DEAF1: variants seen among roughly 807,000 people sequenced by gnomAD.
The protein encoded by DEAF1 is deformed epidermal autoregulatory factor 1 homolog.
In DEAF1, 53 loss-of-function variants were observed where a neutral mutation model predicts 58.9. That is an observed-to-expected ratio of 0.90 (90% CI 0.72 to 1.13). DEAF1 has a LOEUF of 1.13. DEAF1 is among the 50% of genes most tolerant of loss of function. The pLI is 0.00. For synonymous variants in DEAF1, 385 were observed against 340.4 expected (o/e 1.13, Z -1.44); for missense variants, 685 against 791.4 (o/e 0.87, Z 1.61).
chr11:686,609 C>T (rs543844297), intron 5 of DEAF1, among the ~76,000 whole-genome samples: 4 of 152,336 alleles, frequency 2.6e-5, no homozygotes, highest in African/African-American at 9.6e-5. Flanking sequence ...CTGTGCCAGG[C>T]GCTGTGACCT....
At position 644,798 on chromosome 11, in the gene DEAF1, C is replaced by G. The variant is rs569272107; in HGVS notation, c.1594-144G>C. 2.0e-5 allele frequency: 14 copies of G among 705,460 alleles called. No homozygotes were observed. The South Asian group carries it at 2.1e-4, about 11-fold the overall frequency. The allele number at this position is 705,460 out of a possible 1,614,324, so 43.7% of individuals were successfully genotyped here. A position where few individuals can be genotyped will look rare whatever the true frequency, so the allele number is the denominator to read the frequency against. On this transcript the variant is annotated intron_variant, in intron 11 of 11. Transcript: ENST00000382409. The surrounding 1 kb of genome is among the most constrained non-coding windows in gnomAD (Gnocchi z 4.3). Reference sequence around the variant, plus strand: ...GAATGCCCTCCCCAGCCCCCGTGCGCCCAAACTCTGGTGGGCTCTGCTCCA... The same window carrying G: ...GAATGCCCTCCCCAGCCCCCGTGCGGCCAAACTCTGGTGGGCTCTGCTCCA...
intron 11 of DEAF1, among the ~76,000 whole-genome samples, chr11:647,395 C>T (rs7122043): frequency 0.29 from 43,598 of 151,764 alleles, 6,505 homozygotes; most frequent in East Asian, 0.47. Context: ...GTGGAGGTTG[C>T]AGTGAGCCAA....
chr11:669,945 AAAAAAAAG>A (rs1365910183), intron 10 of DEAF1, among the ~76,000 whole-genome samples: 1 of 151,320 alleles, frequency 6.6e-6, no homozygotes, highest in African/African-American at 2.4e-5. Flanking sequence ...AAAAAAAAAA[AAAAAAAAG>A]AAACCCCATC....
intron 9 of DEAF1, chr11:678,465 G>GT: frequency 1.8e-6 from 1 of 540,696 alleles, no homozygotes; most frequent in South Asian, 1.8e-5. Flanking sequence ...CCCTGCTGCT[G>GT]TACCAAAAGC....
At chr11:649,118 G>T (rs1419736011) in intron 11 of DEAF1, among the ~76,000 whole-genome samples, 6 of 152,246 alleles carry the variant, frequency 3.9e-5, no homozygotes, top group Non-Finnish European at 8.8e-5. Context: ...TGGCATGGTG[G>T]TGCATGCCTG....
chr11:685,380 A>C (rs1860549231), intron 5 of DEAF1, among the ~76,000 whole-genome samples: 1 of 152,022 alleles, frequency 6.6e-6, no homozygotes, highest in South Asian at 2.1e-4. Context: ...CACCGTGCCC[A>C]ACCTCATAAA....
intron 1 of DEAF1, chr11:702,924 C>A: frequency 1.3e-6 from 2 of 1,497,556 alleles, no homozygotes; most frequent in Non-Finnish European, 1.8e-6. Context: ...CACCTTCCCT[C>A]CCCTTTGCTC....
At chr11:655,807 C>T (rs548112989) in intron 10 of DEAF1, among the ~76,000 whole-genome samples, 1 of 151,308 alleles carries the variant, frequency 6.6e-6, no homozygotes, top group African/African-American at 2.4e-5. Context: ...TTTAGGTTGC[C>T]CCCTGCCTCT....
At chr11:700,107 C>T (rs1311051013), upstream of DEAF1, 2 of 1,591,534 alleles carry the variant, frequency 1.3e-6, no homozygotes, top group African/African-American at 2.7e-5. Flanking sequence ...TGCTCCCAAG[C>T]CTGTTGAGCT....
At chr11:645,860 G>A (rs765970662) in intron 11 of DEAF1, among the ~76,000 whole-genome samples, 2 of 152,196 alleles carry the variant, frequency 1.3e-5, no homozygotes, top group African/African-American at 2.4e-5. Flanking sequence ...GCACGGGGGC[G>A]TGATAGGTAC....
chr11:660,451 G>A (rs1033252733), intron 10 of DEAF1, among the ~76,000 whole-genome samples: 5 of 152,216 alleles, frequency 3.3e-5, no homozygotes, highest in African/African-American at 1.2e-4. Context: ...TTCCCAGGCT[G>A]CCCCGCCGGC....
Position 644,533 on chromosome 11 carries a change from G to A in DEAF1, c.*17C>T. On this transcript the variant is annotated 3_prime_UTR_variant, in exon 12 of 12. Coordinates refer to ENST00000382409, the MANE Select transcript of DEAF1 (RefSeq NM_021008.4). The surrounding 1 kb of genome is among the most constrained non-coding windows in gnomAD (Gnocchi z 4.3). ...GGAGTGCGAGGGGCCCCAGCTCCCA[G>A]GGCGGCCGATGGAGCCTCACACGGT... 3 of 1,607,240 alleles carry A rather than the reference G, an allele frequency of 1.9e-6. No homozygotes were observed. Among genetic ancestry groups the A allele is most frequent in the Middle Eastern group, 1.7e-4 (1 of 5,842 alleles).
Position 658,808 on chromosome 11 carries a change from C to T in DEAF1, c.1504-4757G>A, listed in dbSNP as rs561475957. Among the ~76,000 whole-genome samples, 47 of 152,354 alleles carry T rather than the reference C, an allele frequency of 3.1e-4. No individual in the cohort carries two copies. The South Asian group carries it at 4.8e-3, about 15-fold the overall frequency. ...GGCCTGCCTTCCCTGCTGCAGGGGC[C>T]CCCCATCTGCACATCACACAACAGG... is the stretch of plus-strand genomic sequence containing the variant. On this transcript the variant is annotated intron_variant, in intron 10 of 11. Coordinates refer to ENST00000382409, the MANE Select transcript of DEAF1 (RefSeq NM_021008.4).
In DEAF1 at chr11:644,477, A is replaced by T; in HGVS notation, c.*73T>A. 2 of 1,161,750 alleles carry T rather than the reference A, an allele frequency of 1.7e-6. No homozygotes were observed. Among genetic ancestry groups the T allele is most frequent in the South Asian group, 2.5e-5 (2 of 78,954 alleles). The allele number at this position is 1,161,750 out of a possible 1,614,324, so 72.0% of individuals were successfully genotyped here. A position where few individuals can be genotyped will look rare whatever the true frequency, so the allele number is the denominator to read the frequency against. On this transcript the variant is annotated 3_prime_UTR_variant, in exon 12 of 12. Coordinates refer to ENST00000382409, the MANE Select transcript of DEAF1 (RefSeq NM_021008.4). This position sits in a 1 kb window ranked among gnomAD's most constrained non-coding sequence, Gnocchi z 4.3. ...TTCTCAACGTCCCCCCAGAGTCCTC[A>T]GGGGGGCCTTCGACCTGCAAAAGCC...
chr11:663,122 G>A (rs993445306), intron 10 of DEAF1, among the ~76,000 whole-genome samples: 16 of 152,144 alleles, frequency 1.1e-4, no homozygotes, highest in African/African-American at 2.9e-4. Context: ...GACCAGCCTC[G>A]GCAACAAAAC....
intron 1 of DEAF1, among the ~76,000 whole-genome samples, chr11:692,906 G>A (rs921317751): frequency 2.6e-5 from 4 of 151,196 alleles, no homozygotes; most frequent in African/African-American, 9.7e-5. Flanking sequence ...GACCACACCA[G>A]GTGCACGGTT....
At chr11:665,704 G>A (rs1217132610) in intron 10 of DEAF1, among the ~76,000 whole-genome samples, 1 of 152,220 alleles carries the variant, frequency 6.6e-6, no homozygotes, top group African/African-American at 2.4e-5. Flanking sequence ...ATGAGCAGGG[G>A]AGAGAGGCAG....
chr11:647,331 G>A (rs1858544435), intron 11 of DEAF1, among the ~76,000 whole-genome samples: 1 of 152,048 alleles, frequency 6.6e-6, no homozygotes, highest in Non-Finnish European at 1.5e-5. Context: ...GCGGGTGCCT[G>A]TAATCCCCAG....
At chr11:700,832 C>G (rs1861422335) in intron 1 of DEAF1, 1 of 928,976 alleles carries the variant, frequency 1.1e-6, no homozygotes. Flanking sequence ...ACTGCTTACC[C>G]AGTTGCTTTG....
Sources: allele counts gnomAD v4.1 joint callset (sites outside exome capture counted in the v4.1 genomes callset), GRCh38; gene constraint gnomAD v4.1.1; non-coding constraint Gnocchi (gnomAD v3.1); transcripts MANE v1.5; gene names NCBI Gene and HGNC (gene_info 2026-07-23, HGNC 2026-07-21).